PABPC4L: variants seen among roughly 807,000 people sequenced by gnomAD.
The protein encoded by PABPC4L is polyadenylate-binding protein 4-like.
For missense variants in PABPC4L, 452 were observed against 451.4 expected (o/e 1.00, Z -0.01); for synonymous variants, 169 against 164.1 (o/e 1.03, Z -0.23).
the PABPC4L span, among the ~76,000 whole-genome samples, chr4:134,142,175 T>C: frequency 2.6e-5 from 4 of 151,710 alleles, no homozygotes; most frequent in African/African-American, 9.7e-5. Flanking sequence ...AGATTAGTAG[T>C]TCTTGGGCAG....
the PABPC4L span, among the ~76,000 whole-genome samples, chr4:133,985,158 C>G: frequency 0.15 from 23,520 of 151,796 alleles, 2,304 homozygotes; most frequent in Middle Eastern, 0.23. Flanking sequence ...TTGGAAGATA[C>G]AATTTTGCAT....
the PABPC4L span, among the ~76,000 whole-genome samples, chr4:133,984,937 T>C: frequency 6.6e-6 from 1 of 151,920 alleles, no homozygotes. Context: ...GGGAATTTAA[T>C]AGGACAGCAT....
chr4:134,002,754 A>T, the PABPC4L span, among the ~76,000 whole-genome samples: 1 of 152,002 alleles, frequency 6.6e-6, no homozygotes, highest in African/African-American at 2.4e-5. Context: ...TATTAGTGCA[A>T]TTACACAACA....
the PABPC4L span, among the ~76,000 whole-genome samples, chr4:134,129,518 C>G: frequency 0.7 from 106,580 of 151,792 alleles, 38,818 homozygotes; most frequent in East Asian, 1. Flanking sequence ...AACTACAAAA[C>G]GACACCCCCA....
chr4:134,158,502 T>A, the PABPC4L span, among the ~76,000 whole-genome samples: 1 of 152,204 alleles, frequency 6.6e-6, no homozygotes, highest in African/African-American at 2.4e-5. Flanking sequence ...ACATAAAATC[T>A]TTTTGTTATG....
chr4:134,153,845 C>T, the PABPC4L span, among the ~76,000 whole-genome samples: 1 of 92,742 alleles, frequency 1.1e-5, no homozygotes, highest in African/African-American at 4.4e-5. Context: ...TTTGTAGAGA[C>T]AGGGTCTCAC....
the PABPC4L span, among the ~76,000 whole-genome samples, chr4:134,059,537 C>A: frequency 6.6e-6 from 1 of 150,890 alleles, no homozygotes; most frequent in African/African-American, 2.4e-5. Flanking sequence ...TTATGTTCAC[C>A]TATATACAAA....
chr4:133,966,094 T>A, the PABPC4L span, among the ~76,000 whole-genome samples: 7 of 152,090 alleles, frequency 4.6e-5, no homozygotes, highest in Admixed American at 1.3e-4. Flanking sequence ...ATATTCAGAA[T>A]CTACAAGGAA....
At chr4:134,178,109 G>T in the PABPC4L span, among the ~76,000 whole-genome samples, 1 of 151,980 alleles carries the variant, frequency 6.6e-6, no homozygotes, top group Non-Finnish European at 1.5e-5. Context: ...CTGAGGGCAG[G>T]CACAACCTTG....
the PABPC4L span, among the ~76,000 whole-genome samples, chr4:134,181,701 A>T: frequency 2.6e-5 from 4 of 152,098 alleles, no homozygotes; most frequent in African/African-American, 4.8e-5. Flanking sequence ...ATATATAAAA[A>T]TCAGTAGCAT....
At chr4:134,095,619 G>A in the PABPC4L span, among the ~76,000 whole-genome samples, 1 of 151,890 alleles carries the variant, frequency 6.6e-6, no homozygotes, top group African/African-American at 2.4e-5. Flanking sequence ...TCAGGCAGTA[G>A]TTTTACATCA....
the PABPC4L span, among the ~76,000 whole-genome samples, chr4:134,185,251 C>G: frequency 6.6e-6 from 1 of 151,948 alleles, no homozygotes; most frequent in Non-Finnish European, 1.5e-5. Context: ...GAATTTTAGA[C>G]CAATATCCCT....
downstream of PABPC4L, among the ~76,000 whole-genome samples, chr4:134,193,495 G>T (rs944383373): frequency 6.6e-6 from 1 of 151,822 alleles, no homozygotes; most frequent in African/African-American, 2.4e-5. Flanking sequence ...TTTGAAAAAA[G>T]GTATCAGTTT....
chr4:134,082,540 T>G, the PABPC4L span, among the ~76,000 whole-genome samples: 1 of 152,162 alleles, frequency 6.6e-6, no homozygotes, highest in South Asian at 2.1e-4. Flanking sequence ...AAGTTAATTT[T>G]TTAATGTTTT....
chr4:134,076,300 T>C, the PABPC4L span, among the ~76,000 whole-genome samples: 7 of 152,150 alleles, frequency 4.6e-5, no homozygotes, highest in Non-Finnish European at 1.0e-4. Context: ...TAAGAAAGTT[T>C]AGATTTTTAT....
At chr4:134,024,418 G>C in the PABPC4L span, among the ~76,000 whole-genome samples, 2 of 152,106 alleles carry the variant, frequency 1.3e-5, no homozygotes, top group Non-Finnish European at 2.9e-5. Context: ...TATCAGTGTT[G>C]ATTTTTGGTG....
the PABPC4L span, among the ~76,000 whole-genome samples, chr4:134,004,524 G>A: frequency 4.5e-4 from 69 of 151,940 alleles, no homozygotes; most frequent in Non-Finnish European, 9.4e-4. Context: ...ACTGTCAGTG[G>A]GAGTGTAAAG....
Position 134,200,459 on chromosome 4 carries a change from A to T in PABPC4L, c.561T>A (p.Ser187Arg). The change falls in exon 2 of 2, where the codon AGT (serine) becomes AGA (arginine). Residue 187 changes from serine (S) to arginine (R), a missense_variant. By Grantham distance (110) the Ser-to-Arg change is moderately radical. Coordinates refer to ENST00000421491, the MANE Select transcript of PABPC4L (RefSeq NM_001114734.2). Reference sequence around the variant, plus strand: ...TTTTTATGTAAACATTGGTGAATTCACTGGCTTTGCTTCTGAGTTCAGCTT... The same window carrying T: ...TTTTTATGTAAACATTGGTGAATTCTCTGGCTTTGCTTCTGAGTTCAGCTT... ...DREAELRSKA[S>R]EFTNVYIKNF... 6.4e-7 allele frequency: 1 copy of T among 1,551,660 alleles called. No homozygotes were observed. Among genetic ancestry groups the T allele is most frequent in the Non-Finnish European group, 8.7e-7 (1 of 1,146,996 alleles).
the PABPC4L span, among the ~76,000 whole-genome samples, chr4:133,996,269 T>G: frequency 6.6e-6 from 1 of 151,932 alleles, no homozygotes; most frequent in African/African-American, 2.4e-5. Context: ...CCCATAACAT[T>G]AGAGATGTTA....
Sources: allele counts gnomAD v4.1 joint callset (sites outside exome capture counted in the v4.1 genomes callset), GRCh38; gene constraint gnomAD v4.1.1; transcripts MANE v1.5; gene names NCBI Gene and HGNC (gene_info 2026-07-23, HGNC 2026-07-21).